Variants in ODAD1 observed in about 807,000 individuals in gnomAD.
ODAD1 encodes outer dynein arm docking complex subunit 1.
A neutral mutation model predicts 67.2 loss-of-function variants in ODAD1; 49 were observed. The ratio of observed to expected loss-of-function variants is 0.73; its 90% CI spans 0.58 to 0.92. The LOEUF is 0.92. ODAD1 is among the 40% of genes least tolerant of loss of function. The probability of loss-of-function intolerance (pLI) is 0.00; values close to 1 mark genes in which losing one functional copy is unlikely to be tolerated. For synonymous variants in ODAD1, 345 were observed against 393.7 expected (o/e 0.88, Z 1.46); for missense variants, 897 against 953.7 (o/e 0.94, Z 0.78).
rs1383888692 is a variant in ODAD1, at chr19:48,297,089, T to C, written c.2011A>G (p.Thr671Ala). 1 of 1,613,330 alleles carries C rather than the reference T, an allele frequency of 6.2e-7. No homozygotes were observed. The highest frequency in any genetic ancestry group is 1.3e-5 in the African/African-American group (1 of 74,996). The change falls in exon 16 of 16, where the codon ACA (threonine) becomes GCA (alanine). Residue 671 changes from threonine to alanine, a missense_variant. Physicochemically the swap from Thr to Ala is moderately conservative, Grantham distance 58 (BLOSUM62 0). Coordinates refer to ENST00000674294, the MANE Select transcript of ODAD1 (RefSeq NM_001364171.2). ...NTEGGVESGG[T>A]ASDSSGGLGS... ...AGGCCTCCGCTCGAATCAGACGCTG[T>C]GCCTCCGCTCTCCACACCACCCTCT...
At position 48,297,083 on chromosome 19, in the gene ODAD1, A is replaced by G; in HGVS notation, c.2017T>C (p.Ser673Pro). ...EGGVESGGTA[S>P]DSSGGLGSSR... ...GACCCGAGGCCTCCGCTCGAATCAG[A>G]CGCTGTGCCTCCGCTCTCCACACCA... Residue 673 changes from serine to proline, a missense_variant, in exon 16 of 16, where the codon TCT (serine) becomes CCT (proline). Physicochemically the swap from Ser to Pro is moderately conservative, Grantham distance 74 (BLOSUM62 -1). Coordinates refer to ENST00000674294, the MANE Select transcript of ODAD1 (RefSeq NM_001364171.2). The G allele has an allele frequency of 1.2e-6, 2 of 1,613,280 alleles. No homozygotes were observed. The highest frequency in any genetic ancestry group is 1.7e-6 in the Non-Finnish European group (2 of 1,179,554).
intron 7 of ODAD1, among the ~76,000 whole-genome samples, chr19:48,310,515 C>T (rs529319524): frequency 7.9e-5 from 12 of 152,270 alleles, no homozygotes; most frequent in African/African-American, 2.6e-4. Flanking sequence ...ACTTGGATAA[C>T]AGCACTGTGT....
rs116850033 is a variant in ODAD1 at position 48,313,059 on chromosome 19, T to C, written c.361-943A>G. On this transcript the variant is annotated intron_variant, in intron 5 of 15. Coordinates refer to ENST00000674294, the MANE Select transcript of ODAD1 (RefSeq NM_001364171.2). ...GACAAAGAAGGTATTCAACATAACA[T>C]GCAGACTAAATAGATAAATGAATTG... 9.1e-3 allele frequency among the ~76,000 whole-genome samples: 1,391 copies of C among 152,242 alleles called. 48 individuals carry two copies. The highest frequency in any genetic ancestry group is 4.9e-3 in the Non-Finnish European group (330 of 68,012).
chr19:48,311,488 A>G, intron 7 of ODAD1, 65 bp downstream of exon 7: 1 of 909,522 alleles, frequency 1.1e-6, no homozygotes, highest in Non-Finnish European at 1.8e-6. Flanking sequence ...AGGAAGGGCA[A>G]ACAGCTGTGG....
At chr19:48,311,370 T>A (rs1427931990) in intron 7 of ODAD1, among the ~76,000 whole-genome samples, 183 bp downstream of exon 7, 3 of 152,176 alleles carry the variant, frequency 2.0e-5, no homozygotes, top group Non-Finnish European at 2.9e-5. Context: ...ATGAGGCCAC[T>A]TTTTTGTTGG....
chr19:48,298,358 G>A lies in ODAD1; in HGVS notation c.1241-18C>T, dbSNP rs752177994. The A allele has an allele frequency of 1.2e-5, 19 of 1,612,716 alleles. No individual in the cohort carries two copies. The highest frequency in any genetic ancestry group is 4.5e-5 in the East Asian group (2 of 44,876). Reference sequence around the variant, plus strand: ...CTGGATATCTGCGTCATGGAGGGCCGGTTGTCAGGGATCTGGCACCGCCAG... The same window carrying A: ...CTGGATATCTGCGTCATGGAGGGCCAGTTGTCAGGGATCTGGCACCGCCAG... On this transcript the variant is annotated intron_variant, in intron 12 of 15. Coordinates refer to ENST00000674294, the MANE Select transcript of ODAD1 (RefSeq NM_001364171.2).
chr19:48,305,759 C>T (rs889709278), intron 8 of ODAD1, among the ~76,000 whole-genome samples: 29 of 151,786 alleles, frequency 1.9e-4, no homozygotes, highest in Admixed American at 7.2e-4. Context: ...ATTTACATGC[C>T]CAAGAAAAAG....
At chr19:48,313,618 C>T (rs1385911776) in intron 5 of ODAD1, among the ~76,000 whole-genome samples, 1 of 152,014 alleles carries the variant, frequency 6.6e-6, no homozygotes, top group East Asian at 1.9e-4. Context: ...TGTGGTGGCT[C>T]ATGCCTGTAA....
chr19:48,318,748 G>A lies in ODAD1; in HGVS notation c.135C>T (p.Tyr45=), dbSNP rs976210949. ...CKVMEGERRA[Y]SKEVHQRINK... ...TGATGCGCTGGTGGACTTCCTTGCT[G>A]TAGGCCCGCCTCTCCCCTTCCATCA... The change falls in exon 4 of 16, where the codon TAC becomes TAT. Residue 45 remains tyrosine (Y), a synonymous_variant. Coordinates refer to ENST00000674294, the MANE Select transcript of ODAD1 (RefSeq NM_001364171.2). 4 of 1,551,090 alleles carry A rather than the reference G, an allele frequency of 2.6e-6. No individual in the cohort carries two copies. Among genetic ancestry groups the A allele is most frequent in the Non-Finnish European group, 3.5e-6 (4 of 1,146,738 alleles).
At chr19:48,320,436 A>G in intron 2 of ODAD1, 45 bp from the exon 3 acceptor site, 1 of 1,130,178 alleles carries the variant, frequency 8.8e-7, no homozygotes, top group South Asian at 1.3e-5. Flanking sequence ...CAGGCGGGCC[A>G]GGGCCCAGAG....
At chr19:48,318,294 A>G (rs941694446) in intron 5 of ODAD1, 93 bp downstream of exon 5, 9 of 1,140,608 alleles carry the variant, frequency 7.9e-6, no homozygotes, top group Admixed American at 4.5e-5. Flanking sequence ...GCCCGGCCTA[A>G]TAGCCCCAAT....
rs574119110 is a variant in ODAD1, at chr19:48,311,621, G to T, written c.529C>A (p.Arg177=). ...ATCCGCAGCAGATCCAGCTCCTCCC[G>T]CAGGGCCGCATTCCGTACCAGCTGG... ...DNQLVRNAAL[R]EELDLLRIDR... is the part of the protein sequence containing the mutation. Residue 177 remains arginine (R), a synonymous_variant, in exon 7 of 16, where the codon CGG becomes AGG. Transcript: ENST00000674294. 3 of 1,550,984 alleles carry T rather than the reference G, an allele frequency of 1.9e-6. No homozygotes were observed. The highest frequency in any genetic ancestry group is 3.3e-4 in the Middle Eastern group (2 of 6,010).
At position 48,312,417 on chromosome 19, in the gene ODAD1, T is replaced by G. The variant is rs1381399964; in HGVS notation, c.361-301A>C. ...TCCTTTCCGTTTTTTTTTTTGTTTT[T>G]TTTTTTTTTTTTTTTGAGACAGAGT... On this transcript the variant is annotated intron_variant, in intron 5 of 15. Transcript: ENST00000674294. 2.9e-4 allele frequency among the ~76,000 whole-genome samples: 41 copies of G among 140,546 alleles called. No individual in the cohort carries two copies. In the South Asian group the frequency reaches 6.2e-3, roughly 21 times the overall value. 92.2% of individuals were successfully genotyped at this position (140,546 alleles called of 152,430 possible). A position where few individuals can be genotyped will look rare whatever the true frequency, so the allele number is the denominator to read the frequency against.
Position 48,318,433 on chromosome 19 carries a change from G to A in ODAD1, c.314C>T (p.Ala105Val), listed in dbSNP as rs1402875362. ...RLLKGRAQVQ[A>V]EIEELQEQTR... Reference sequence around the variant, plus strand: ...CTGCTCCTGCAGCTCCTCGATCTCCGCCTGCACCTGGGCCCGGCCCTTCAG... The same window carrying A: ...CTGCTCCTGCAGCTCCTCGATCTCCACCTGCACCTGGGCCCGGCCCTTCAG... The change falls in exon 5 of 16, where the codon GCG (alanine) becomes GTG (valine). Residue 105 changes from alanine (A) to valine (V), a missense_variant. Coordinates refer to ENST00000674294, the MANE Select transcript of ODAD1 (RefSeq NM_001364171.2). 24 of 1,551,580 alleles carry A rather than the reference G, an allele frequency of 1.5e-5. No individual in the cohort carries two copies. The East Asian group carries it at 1.7e-4, about 11-fold the overall frequency.
chr19:48,312,860 C>T (rs1411410088), intron 5 of ODAD1, among the ~76,000 whole-genome samples: 4 of 152,092 alleles, frequency 2.6e-5, no homozygotes, highest in African/African-American at 9.7e-5. Context: ...GTCGGAGAGA[C>T]GGTGAGAATG....
chr19:48,297,534 A>G lies in ODAD1; in HGVS notation c.1582-16T>C, dbSNP rs2292113. On this transcript the variant is annotated splice_polypyrimidine_tract_variant and intron_variant, in intron 15 of 15. Transcript: ENST00000674294. The stretch of plus-strand genomic sequence containing the variant: ...GGAGCTCCACCTGCAGGGAAGGTGA[A>G]CTGGGCCCCGACACACACTGAGGCC... The G allele has an allele frequency of 0.36, 572,937 of 1,595,706 alleles. 106,701 individuals are homozygous for G. Among genetic ancestry groups the G allele is most frequent in the African/African-American group, 0.48 (35,995 of 74,386 alleles).
At chr19:48,321,614 C>A (rs1454458634) in intron 1 of ODAD1, 64 bp downstream of exon 1, 9 of 374,892 alleles carry the variant, frequency 2.4e-5, no homozygotes, top group Admixed American at 4.6e-5. Flanking sequence ...GGCGCTCAGG[C>A]CTTGAAGGCC....
intron 12 of ODAD1, among the ~76,000 whole-genome samples, chr19:48,301,620 A>T (rs1569003033): frequency 2.0e-5 from 3 of 152,256 alleles, no homozygotes; most frequent in East Asian, 3.8e-4. Flanking sequence ...ACAAAAGTCA[A>T]ATGTCATTGC....
rs1969037742 is a variant in ODAD1 at position 48,321,926 on chromosome 19, G to A, written c.-312C>T. 2.5e-6 allele frequency: 1 copy of A among 396,904 alleles called. No homozygotes were observed. Among genetic ancestry groups the A allele is most frequent in the African/African-American group, 2.1e-5 (1 of 48,734 alleles). 24.6% of individuals were successfully genotyped at this position (396,904 alleles called of 1,614,324 possible). ...GCGACCAACGGCTTCCCGGGAAGCA[G>A]CCAAAAACGCTTGGCCGCCTACCAC... is the stretch of plus-strand genomic sequence containing the variant. On this transcript the variant is annotated 5_prime_UTR_variant, in exon 1 of 16. Transcript: ENST00000674294.
Sources: gnomAD v4.1 joint callset for allele counts (sites outside exome capture counted in the v4.1 genomes callset) on GRCh38, gnomAD v4.1.1 for gene constraint, MANE v1.5 for transcripts, NCBI Gene and HGNC (gene_info 2026-07-23, HGNC 2026-07-21) for gene names.